Variants in UBE2E1 observed in about 807,000 individuals in gnomAD.
UBE2E1 encodes the protein ubiquitin-conjugating enzyme E2 E1.
A neutral mutation model predicts 21.4 loss-of-function variants in UBE2E1; 6 were observed. The observed-to-expected ratio is 0.28, with a 90% confidence interval of 0.15 to 0.55. The LOEUF is 0.55. Ranked by LOEUF, UBE2E1 falls within the 20% of genes least tolerant of loss-of-function variation. The pLI is 0.93. For synonymous variants in UBE2E1, 87 were observed against 82.7 expected, an observed-to-expected ratio of 1.05 and a Z score of -0.28; for missense variants, 142 against 236.5, an observed-to-expected ratio of 0.60 and a Z score of 2.62.
intron 3 of UBE2E1, among the ~76,000 whole-genome samples, chr3:23,847,991 T>C (rs992417725): frequency 2.0e-5 from 3 of 152,314 alleles, no homozygotes; most frequent in Non-Finnish European, 4.4e-5. Context: ...CCCTACCTCC[T>C]TTTTTAAATA....
At chr3:23,845,679 G>A (rs113563687) in intron 3 of UBE2E1, among the ~76,000 whole-genome samples, 105 of 150,952 alleles carry the variant, frequency 7.0e-4, no homozygotes, top group Admixed American at 1.4e-3. Context: ...GGTGGAGTTT[G>A]GCAAAGTTAT....
intron 3 of UBE2E1, among the ~76,000 whole-genome samples, chr3:23,862,765 A>T (rs1700582441): frequency 6.6e-6 from 1 of 152,088 alleles, no homozygotes; most frequent in Non-Finnish European, 1.5e-5. Flanking sequence ...TTGCTCTGTC[A>T]CCCAGGTTGG....
rs1553637746 is a variant in UBE2E1 at position 23,842,250 on chromosome 3, G to GTGTGGTGTTGT, written c.203+30743_203+30744insGGTGTTGTTGT. Reference sequence around the variant, plus strand: ...GTGTGTGTGTGTGTGTGTGTGTGTGGTGTTGTTGTTGTTGGCGACAGGGTC... The same window carrying GTGTGGTGTTGT: ...GTGTGTGTGTGTGTGTGTGTGTGTGGTGTGGTGTTGTTGTTGTTGTTGTTGGCGACAGGGTC... On this transcript the variant is annotated intron_variant, in intron 3 of 5. Coordinates refer to ENST00000306627, the MANE Select transcript of UBE2E1 (RefSeq NM_003341.5). This position sits in a 1 kb window ranked among gnomAD's most constrained non-coding sequence, Gnocchi z 4.6. 1.0e-4 allele frequency among the ~76,000 whole-genome samples: 9 copies of GTGTGGTGTTGT among 86,366 alleles called. No homozygotes were observed. Among genetic ancestry groups the GTGTGGTGTTGT allele is most frequent in the African/African-American group, 3.2e-4 (7 of 21,706 alleles). The allele number at this position is 86,366 out of a possible 152,430, so 56.7% of individuals were successfully genotyped here.
intron 3 of UBE2E1, among the ~76,000 whole-genome samples, chr3:23,884,185 A>G (rs564924128): frequency 2.0e-5 from 3 of 147,090 alleles, no homozygotes; most frequent in Non-Finnish European, 3.0e-5. Flanking sequence ...TGTTTTGTCT[A>G]CTTTTTTCTG....
In UBE2E1 at chr3:23,806,805, C is replaced by A. The variant is rs1575793986; in HGVS notation, c.-33-432C>A. 1 of 153,248 alleles carries A rather than the reference C, an allele frequency of 6.5e-6. No homozygotes were observed. The highest frequency in any genetic ancestry group is 1.5e-5 in the Non-Finnish European group (1 of 68,912). The allele number at this position is 153,248 out of a possible 1,614,324, so 9.5% of individuals were successfully genotyped here. A position where few individuals can be genotyped will look rare whatever the true frequency, so the allele number is the denominator to read the frequency against. ...CGACCTCGCCAAACTCCGCTCGTGGCCCCACAGTCTCACCCGGGCCACCGG... is the reference window on the plus strand; with the variant it reads ...CGACCTCGCCAAACTCCGCTCGTGGACCCACAGTCTCACCCGGGCCACCGG... On this transcript the variant is annotated intron_variant, in intron 1 of 5. Coordinates refer to ENST00000306627, the MANE Select transcript of UBE2E1 (RefSeq NM_003341.5). The surrounding 1 kb of genome is among the most constrained non-coding windows in gnomAD (Gnocchi z 6.5).
chr3:23,818,454 T>C, intron 3 of UBE2E1, among the ~76,000 whole-genome samples: 1 of 152,212 alleles, frequency 6.6e-6, no homozygotes, highest in East Asian at 1.9e-4. Flanking sequence ...ATTCTGACCC[T>C]ACATGTTCTT....
At chr3:23,839,469 AAG>A (rs1329432131) in intron 3 of UBE2E1, among the ~76,000 whole-genome samples, 3 of 151,248 alleles carry the variant, frequency 2.0e-5, no homozygotes, top group Non-Finnish European at 3.0e-5. Flanking sequence ...GTCTCAAAAA[AAG>A]AAAATAATAA....
intron 3 of UBE2E1, among the ~76,000 whole-genome samples, chr3:23,828,910 A>G (rs1408437402): frequency 6.6e-6 from 1 of 152,178 alleles, no homozygotes; most frequent in African/African-American, 2.4e-5. Flanking sequence ...GGAAGAGGGA[A>G]AATGTCCATC....
chr3:23,818,965 G>A (rs1324044230), intron 3 of UBE2E1, among the ~76,000 whole-genome samples: 1 of 152,124 alleles, frequency 6.6e-6, no homozygotes, highest in Non-Finnish European at 1.5e-5. Flanking sequence ...AGAGGAAGAA[G>A]CAAATATAGA....
In UBE2E1 at chr3:23,808,159, T is replaced by G. The variant is rs1410461975; in HGVS notation, c.152+738T>G. 6.6e-6 allele frequency among the ~76,000 whole-genome samples: 1 copy of G among 152,240 alleles called. No homozygotes were observed. Among genetic ancestry groups the G allele is most frequent in the Admixed American group, 6.5e-5 (1 of 15,288 alleles). On this transcript the variant is annotated intron_variant, in intron 2 of 5. Coordinates refer to ENST00000306627, the MANE Select transcript of UBE2E1 (RefSeq NM_003341.5). This position sits in a 1 kb window ranked among gnomAD's most constrained non-coding sequence, Gnocchi z 4.9. Reference sequence around the variant, plus strand: ...TCAATTTAAGTGGTCTCCCTTTTACTTTATTCTTTTCCTCTTAAGGCCCTG... The same window carrying G: ...TCAATTTAAGTGGTCTCCCTTTTACGTTATTCTTTTCCTCTTAAGGCCCTG...
At chr3:23,824,662 C>T (rs1178957046) in intron 3 of UBE2E1, among the ~76,000 whole-genome samples, 1 of 152,186 alleles carries the variant, frequency 6.6e-6, no homozygotes, top group East Asian at 1.9e-4. Flanking sequence ...CCTGAAGATG[C>T]GTAGAAAGAA....
chr3:23,812,845 TC>T (rs1304149653), intron 3 of UBE2E1, among the ~76,000 whole-genome samples: 1 of 152,190 alleles, frequency 6.6e-6, no homozygotes, highest in African/African-American at 2.4e-5. Context: ...TTCTGTGCTG[TC>T]TAGTTATTGC....
chr3:23,824,232 G>A lies in UBE2E1; in HGVS notation c.203+12722G>A, dbSNP rs555844568. 3.3e-5 allele frequency among the ~76,000 whole-genome samples: 5 copies of A among 152,228 alleles called. No individual in the cohort carries two copies. The South Asian group carries it at 1.0e-3, about 32-fold the overall frequency. ...AAAAAGTAAAAACTGTTAAGATCTT[G>A]GAGCCCAGACTTATTTGTTATGGAG... On this transcript the variant is annotated intron_variant, in intron 3 of 5. Transcript: ENST00000306627.
intron 3 of UBE2E1, among the ~76,000 whole-genome samples, chr3:23,850,978 G>T (rs1475249156): frequency 6.6e-6 from 1 of 151,562 alleles, no homozygotes; most frequent in Admixed American, 6.6e-5. Flanking sequence ...GAGCCACCAT[G>T]CCCAGCCTAT....
intron 4 of UBE2E1, chr3:23,888,111 A>G: frequency 2.4e-6 from 1 of 416,306 alleles, no homozygotes; most frequent in Non-Finnish European, 4.8e-6. Flanking sequence ...TGGGCAACAA[A>G]GCAAGACCCC....
intron 3 of UBE2E1, among the ~76,000 whole-genome samples, chr3:23,867,835 G>A (rs185914454): frequency 1.0e-3 from 159 of 152,302 alleles, no homozygotes; most frequent in African/African-American, 3.6e-3. Context: ...TTTAGTCTGA[G>A]TATTTCCAAA....
chr3:23,872,339 G>A (rs1442643539), intron 3 of UBE2E1, among the ~76,000 whole-genome samples: 1 of 151,980 alleles, frequency 6.6e-6, no homozygotes, highest in Non-Finnish European at 1.5e-5. Context: ...TCCAGCTTCG[G>A]CTCGGCATCA....
intron 3 of UBE2E1, among the ~76,000 whole-genome samples, chr3:23,846,929 A>G (rs1422245296): frequency 6.6e-6 from 1 of 152,040 alleles, no homozygotes; most frequent in Non-Finnish European, 1.5e-5. Flanking sequence ...ATCTTGAAAT[A>G]TTCTAAGGGC....
chr3:23,846,091 C>G (rs1021707496), intron 3 of UBE2E1, among the ~76,000 whole-genome samples: 9 of 152,086 alleles, frequency 5.9e-5, no homozygotes, highest in African/African-American at 2.2e-4. Flanking sequence ...CTGTCATTCT[C>G]TGTATTATTT....
Sources: gnomAD v4.1 joint callset for allele counts (sites outside exome capture counted in the v4.1 genomes callset) on GRCh38, gnomAD v4.1.1 for gene constraint, Gnocchi (gnomAD v3.1) non-coding constraint, MANE v1.5 for transcripts, NCBI Gene and HGNC (gene_info 2026-07-23, HGNC 2026-07-21) for gene names.